Variants in STARD9 observed in about 807,000 individuals in gnomAD.
The protein encoded by STARD9 is stAR-related lipid transfer protein 9.
STARD9 carries 346 observed loss-of-function variants against 399.8 expected under a neutral mutation model. The ratio of observed to expected loss-of-function variants is 0.87; its 90% CI spans 0.79 to 0.95. STARD9 has a LOEUF of 0.95. Among genes scored for constraint, STARD9 ranks in the 40% least tolerant of loss-of-function variants. The pLI, the probability that STARD9 is intolerant of heterozygous loss-of-function variation, is 0.00. For synonymous variants in STARD9, 2,203 were observed against 2,143.5 expected, an observed-to-expected ratio of 1.03 and a Z score of -0.77; for missense variants, 5,832 against 5,667.5, an observed-to-expected ratio of 1.03 and a Z score of -0.93.
chr15:42,672,215 G>A (rs1174759911), intron 16 of STARD9: 1 of 152,248 alleles, frequency 6.6e-6, no homozygotes, highest in Non-Finnish European at 1.5e-5. Flanking sequence ...CTGGCAACTC[G>A]GAAGCTGTTT....
intron 9 of STARD9, among the ~76,000 whole-genome samples, chr15:42,655,337 A>G (rs2059845424): frequency 6.6e-6 from 1 of 152,186 alleles, no homozygotes. Flanking sequence ...TTCAAACTAT[A>G]CTATAAGGCC....
chr15:42,616,549 G>T (rs1369262718), intron 3 of STARD9, among the ~76,000 whole-genome samples: 1 of 152,170 alleles, frequency 6.6e-6, no homozygotes, highest in African/African-American at 2.4e-5. Context: ...CAAGAGCTTT[G>T]TTTAGAAGTA....
At chr15:42,695,616 C>T in intron 25 of STARD9, 127 bp from the exon 26 acceptor site, 1 of 1,108,788 alleles carries the variant, frequency 9.0e-7, no homozygotes. Context: ...GTCAGGGAGG[C>T]CCTGGGAGGT....
At chr15:42,602,008 G>C (rs1044357402) in intron 3 of STARD9, among the ~76,000 whole-genome samples, 1 of 152,120 alleles carries the variant, frequency 6.6e-6, no homozygotes, top group African/African-American at 2.4e-5. Flanking sequence ...CACCACGCCC[G>C]GCTCGTTTTT....
rs573215252 is a variant in STARD9 at position 42,693,351 on chromosome 15, A to C, written c.11773A>C (p.Thr3925Pro). 1.7e-5 allele frequency: 26 copies of C among 1,536,652 alleles called. No individual in the cohort carries two copies. Among genetic ancestry groups the C allele is most frequent in the East Asian group, 2.4e-5 (1 of 40,896 alleles). ...CTCTTTGACCCTCTCAGCCCCTTCA[A>C]CTCACCCTGTTGAAGGCCACCAGAA... ...PGSLTLSAPS[T>P]HPVEGHQKLD... Residue 3925 changes from threonine to proline, a missense_variant, in exon 23 of 33, where the codon ACT (threonine) becomes CCT (proline). Thr to Pro is a conservative substitution (Grantham distance 38). Coordinates refer to ENST00000290607, the MANE Select transcript of STARD9 (RefSeq NM_020759.3).
chr15:42,692,582 C>T lies in STARD9; in HGVS notation c.11004C>T (p.Ala3668=), dbSNP rs1277142666. The T allele has an allele frequency of 6.5e-7, 1 of 1,537,242 alleles. No individual in the cohort carries two copies. Among genetic ancestry groups the T allele is most frequent in the Admixed American group, 2.0e-5 (1 of 50,998 alleles). Residue 3668 remains alanine (A), a synonymous_variant, in exon 23 of 33, where the codon GCC becomes GCT. Coordinates refer to ENST00000290607, the MANE Select transcript of STARD9 (RefSeq NM_020759.3). ...AGCCTGAAGCCAGTGCAGTATCAGC[C>T]TTTGATCTGGCCTCATGGACCAGCA... ...FAQPEASAVS[A]FDLASWTSMH...
At chr15:42,606,891 T>C (rs2058735887) in intron 3 of STARD9, among the ~76,000 whole-genome samples, 1 of 152,118 alleles carries the variant, frequency 6.6e-6, no homozygotes, top group African/African-American at 2.4e-5. Flanking sequence ...TCACCCATTA[T>C]AGCAAATGGA....
In STARD9 at chr15:42,652,457, A is replaced by G. The variant is rs1595710379; in HGVS notation, c.630-63A>G. 4 of 1,344,426 alleles carry G rather than the reference A, an allele frequency of 3.0e-6. No homozygotes were observed. The East Asian group carries it at 1.0e-4, about 34-fold the overall frequency. The allele number at this position is 1,344,426 out of a possible 1,614,324, so 83.3% of individuals were successfully genotyped here. A position where few individuals can be genotyped will look rare whatever the true frequency, so the allele number is the denominator to read the frequency against. ...CTAACATTTCTTGTATTCTGTATGG[A>G]TCCTTAAGAATCCACCATGTGTAAA... On this transcript the variant is annotated intron_variant, in intron 8 of 32. Coordinates refer to ENST00000290607, the MANE Select transcript of STARD9 (RefSeq NM_020759.3).
chr15:42,671,461 T>G (rs936905854), intron 16 of STARD9: 3 of 152,206 alleles, frequency 2.0e-5, no homozygotes, highest in Non-Finnish European at 2.9e-5. Context: ...TCCTGTACCC[T>G]TTCTCCTTCC....
Position 42,688,268 on chromosome 15 carries a change from A to G in STARD9, c.6690A>G (p.Ser2230=). ...SKNNGQFVKA[S]ASLKGQPWGL... ...ATAATGGCCAGTTTGTAAAAGCATCAGCAAGTCTCAAAGGGCAGCCTTGGG... is the reference window on the plus strand; with the variant it reads ...ATAATGGCCAGTTTGTAAAAGCATCGGCAAGTCTCAAAGGGCAGCCTTGGG... Residue 2230 remains serine (S), a synonymous_variant, in exon 23 of 33, where the codon TCA becomes TCG. Transcript: ENST00000290607. 6.5e-7 allele frequency: 1 copy of G among 1,537,638 alleles called. No homozygotes were observed. The highest frequency in any genetic ancestry group is 8.7e-7 in the Non-Finnish European group (1 of 1,147,024).
At chr15:42,654,049 C>G (rs2059816745) in intron 9 of STARD9, among the ~76,000 whole-genome samples, 1 of 152,034 alleles carries the variant, frequency 6.6e-6, no homozygotes, top group Non-Finnish European at 1.5e-5. Context: ...AGAGCAAGTA[C>G]TAAGAAAATA....
At chr15:42,718,712 A>G in intron 31 of STARD9, 40 bp from the exon 32 acceptor site, 2 of 1,533,116 alleles carry the variant, frequency 1.3e-6, no homozygotes, top group South Asian at 1.2e-5. Flanking sequence ...TGTTTTGTCC[A>G]CACTACACAG....
intron 26 of STARD9, among the ~76,000 whole-genome samples, chr15:42,696,117 G>A (rs1230790486): frequency 6.6e-6 from 1 of 152,230 alleles, no homozygotes; most frequent in South Asian, 2.1e-4. Context: ...GGATACAGCG[G>A]TGAGCAAAAC....
chr15:42,597,265 T>G (rs1444359202), intron 3 of STARD9, among the ~76,000 whole-genome samples: 2 of 152,152 alleles, frequency 1.3e-5, no homozygotes, highest in African/African-American at 4.8e-5. Context: ...TTGGATAATT[T>G]TGTAATGCCA....
At chr15:42,672,116 A>G (rs1425283207) in intron 16 of STARD9, 1 of 152,268 alleles carries the variant, frequency 6.6e-6, no homozygotes, top group Non-Finnish European at 1.5e-5. Flanking sequence ...AGGTAATAGT[A>G]CTAACAGTAA....
At chr15:42,599,464 A>G (rs2058579318) in intron 3 of STARD9, among the ~76,000 whole-genome samples, 2 of 152,146 alleles carry the variant, frequency 1.3e-5, no homozygotes, top group South Asian at 4.1e-4. Context: ...AGTGTATATT[A>G]ATACATCTCA....
chr15:42,684,187 A>C lies in STARD9; in HGVS notation c.2609A>C (p.Lys870Thr), dbSNP rs2060494477. 6.5e-7 allele frequency: 1 copy of C among 1,537,160 alleles called. No homozygotes were observed. Among genetic ancestry groups the C allele is most frequent in the African/African-American group, 1.4e-5 (1 of 73,050 alleles). ...GACCCTACACACCAAACATCAGAGA[A>C]AACATCATCAGAAGAGCATTTGCCA... ...RPDPTHQTSE[K>T]TSSEEHLPQA... The change falls in exon 23 of 33, where the codon AAA (lysine) becomes ACA (threonine). Residue 870 changes from lysine (K) to threonine (T), a missense_variant. Physicochemically the swap from Lys to Thr is moderately conservative, Grantham distance 78 (BLOSUM62 -1). This residue lies in a region of STARD9 where 5,828 missense variants were observed against 5,651.1 expected (regional missense o/e 1.03). Coordinates refer to ENST00000290607, the MANE Select transcript of STARD9 (RefSeq NM_020759.3).
chr15:42,636,521 C>T (rs1469112401), intron 4 of STARD9, among the ~76,000 whole-genome samples: 5 of 152,164 alleles, frequency 3.3e-5, no homozygotes, highest in Middle Eastern at 3.4e-3. Context: ...GGAGAGGTTG[C>T]GGTGAGCTGA....
intron 9 of STARD9, 130 bp from the exon 10 acceptor site, chr15:42,661,028 T>G: frequency 3.2e-6 from 2 of 625,142 alleles, no homozygotes; most frequent in South Asian, 3.9e-5. Context: ...CTGGTTTACA[T>G]CACATTAGAA....
Sources: gnomAD v4.1 joint callset for allele counts (sites outside exome capture counted in the v4.1 genomes callset) on GRCh38, gnomAD v4.1.1 for gene constraint, gnomAD v4.1.1 regional missense constraint, MANE v1.5 for transcripts, NCBI Gene and HGNC (gene_info 2026-07-23, HGNC 2026-07-21) for gene names.